Variants in COQ6 observed in about 807,000 individuals in gnomAD.
COQ6 encodes the protein ubiquinone biosynthesis monooxygenase COQ6, mitochondrial.
Under a neutral mutation model 55.5 loss-of-function variants are expected in COQ6, and 45 were observed. The ratio of observed to expected loss-of-function variants is 0.81; its 90% CI spans 0.64 to 1.04. COQ6 has a LOEUF of 1.04. Among genes scored for constraint, COQ6 ranks in the 50% least tolerant of loss-of-function variants. COQ6 has a pLI of 0.00. For synonymous variants in COQ6, 206 were observed against 230.5 expected, an observed-to-expected ratio of 0.89 and a Z score of 0.96; for missense variants, 550 against 601.3, an observed-to-expected ratio of 0.91 and a Z score of 0.89.
chr14:73,955,212 CA>C (rs981868387), intron 2 of COQ6: 15 of 558,424 alleles, frequency 2.7e-5, no homozygotes, highest in African/African-American at 2.7e-4. Context: ...CTCAGTCTCC[CA>C]AAGTGCTGGG....
chr14:73,963,406 G>C lies in COQ6; in HGVS notation c.*407G>C, dbSNP rs572909334. ...AATTAGACTCGATGCATTTTTGTTA[G>C]AATTGCTGTTTAAATGTTAACATCA... is the stretch of plus-strand genomic sequence containing the variant. On this transcript the variant is annotated 3_prime_UTR_variant, in exon 12 of 12. Transcript: ENST00000334571. The C allele has an allele frequency of 7.2e-6, 2 of 277,224 alleles. No individual in the cohort carries two copies. The highest frequency in any genetic ancestry group is 1.3e-5 in the Non-Finnish European group (2 of 149,024). 17.2% of individuals were successfully genotyped at this position (277,224 alleles called of 1,614,324 possible). A position where few individuals can be genotyped will look rare whatever the true frequency, so the allele number is the denominator to read the frequency against.
Position 73,953,589 on chromosome 14 carries a change from T to C in COQ6, c.298+20T>C. ...TCAGTAGTGAGTAGAAGATCCTCCT[T>C]CAAAGATCCAATCTCCTTTCCCACT... On this transcript the variant is annotated intron_variant, in intron 2 of 11. Transcript: ENST00000334571. 1.2e-6 allele frequency: 2 copies of C among 1,614,094 alleles called. No individual in the cohort carries two copies. Among genetic ancestry groups the C allele is most frequent in the Admixed American group, 1.7e-5 (1 of 60,012 alleles).
Position 73,955,512 on chromosome 14 carries a change from G to A in COQ6, c.357+3G>A. On this transcript the variant is annotated splice_donor_region_variant and intron_variant, in intron 3 of 11. Transcript: ENST00000334571. Reference sequence around the variant, plus strand: ...ACAGAGCCTTTCGGCGAATGCAGGTGCCCCTTTATCTTTTCAATTTTGTCA... The same window carrying A: ...ACAGAGCCTTTCGGCGAATGCAGGTACCCCTTTATCTTTTCAATTTTGTCA... 1 of 1,613,602 alleles carries A rather than the reference G, an allele frequency of 6.2e-7. No individual in the cohort carries two copies. Among genetic ancestry groups the A allele is most frequent in the Non-Finnish European group, 8.5e-7 (1 of 1,179,544 alleles).
chr14:73,954,863 T>A (rs191731397), intron 2 of COQ6, among the ~76,000 whole-genome samples: 33,656 of 119,594 alleles, frequency 0.28, 6,663 homozygotes, highest in Non-Finnish European at 0.41. Context: ...AAAAAAAAAA[T>A]ACATGGATTT....
intron 2 of COQ6, among the ~76,000 whole-genome samples, chr14:73,954,021 G>T (rs1229044742): frequency 6.6e-6 from 1 of 152,180 alleles, no homozygotes; most frequent in African/African-American, 2.4e-5. Context: ...TCTGCTAGAT[G>T]TTTCCCTCAG....
chr14:73,951,356 C>A (rs1566680518), intron 1 of COQ6, among the ~76,000 whole-genome samples: 1 of 140,674 alleles, frequency 7.1e-6, no homozygotes, highest in Non-Finnish European at 1.5e-5. Flanking sequence ...ATATTTTCTT[C>A]CATTTTGTAG....
At chr14:73,953,033 T>A (rs2140365380) in intron 1 of COQ6, among the ~76,000 whole-genome samples, 1 of 152,358 alleles carries the variant, frequency 6.6e-6, no homozygotes, top group South Asian at 2.1e-4. Context: ...GAATTTTGCT[T>A]GTTTATTCCA....
intron 1 of COQ6, among the ~76,000 whole-genome samples, chr14:73,952,971 G>A (rs538489330): frequency 1.7e-4 from 26 of 152,176 alleles, no homozygotes; most frequent in African/African-American, 5.1e-4. Context: ...CCACCGCACC[G>A]GCCTTTATAA....
rs751153273 is a variant in COQ6, at chr14:73,953,546, C to T, written c.275C>T (p.Pro92Leu). 37 of 1,614,074 alleles carry T rather than the reference C, an allele frequency of 2.3e-5. No homozygotes were observed. Among genetic ancestry groups the T allele is most frequent in the Non-Finnish European group, 3.4e-6 (4 of 1,180,058 alleles). The stretch of plus-strand genomic sequence containing the variant: ...AGCAACAGGGTCAGCTCCATTTCCC[C>T]TGGCTCTGCAACGCTTCTCAGTAGT... ...TYSNRVSSIS[P>L]GSATLLSSFG... Residue 92 changes from proline (P) to leucine (L), a missense_variant, in exon 2 of 12, where the codon CCT (proline) becomes CTT (leucine). Pro to Leu is a moderately conservative substitution (Grantham distance 98). Coordinates refer to ENST00000334571, the MANE Select transcript of COQ6 (RefSeq NM_182476.3).
In COQ6 at chr14:73,950,413, G is replaced by T; in HGVS notation, c.81G>T (p.Trp27Cys). 6.3e-7 allele frequency: 1 copy of T among 1,598,550 alleles called. No individual in the cohort carries two copies. The change falls in exon 1 of 12, where the codon TGG (tryptophan) becomes TGT (cysteine). Residue 27 changes from tryptophan to cysteine, a missense_variant. Coordinates refer to ENST00000334571, the MANE Select transcript of COQ6 (RefSeq NM_182476.3). ...HSGPLVSWRR[W>C]SGASTDTVYD... ...GCCCGCTGGTGTCCTGGCGCAGGTG[G>T]TCCGGCGCCTCAACAGACACCGTGT... is the stretch of plus-strand genomic sequence containing the variant.
At position 73,955,790 on chromosome 14, in the gene COQ6, C is replaced by T. The variant is rs567355470; in HGVS notation, c.358-15C>T. On this transcript the variant is annotated splice_polypyrimidine_tract_variant and intron_variant, in intron 3 of 11. Transcript: ENST00000334571. ...CCTCTTGGTTTTAATGCAGACTTTC[C>T]TTTTGTGTTTCCAGGTGTGGGACGC... The T allele has an allele frequency of 1.2e-6, 2 of 1,614,098 alleles. No homozygotes were observed. The highest frequency in any genetic ancestry group is 2.7e-5 in the African/African-American group (2 of 75,006).
At chr14:73,955,532 T>A in intron 3 of COQ6, 23 bp downstream of exon 3, 1 of 1,609,370 alleles carries the variant, frequency 6.2e-7, no homozygotes, top group Non-Finnish European at 8.5e-7. Context: ...CTTTTCAATT[T>A]TGTCAAGATG....
At chr14:73,958,898 G>A in intron 5 of COQ6, 73 bp from the exon 6 acceptor site, 1 of 1,590,990 alleles carries the variant, frequency 6.3e-7, no homozygotes, top group African/African-American at 1.3e-5. Context: ...GGAAACTTTA[G>A]GGAGCAGAGA....
chr14:73,953,796 G>A, intron 2 of COQ6: 1 of 607,222 alleles, frequency 1.6e-6, no homozygotes, highest in South Asian at 1.9e-5. Context: ...AGGCATGTGG[G>A]TCCATCATGT....
At chr14:73,961,638 T>C in intron 10 of COQ6, 68 bp downstream of exon 10, 2 of 1,601,046 alleles carry the variant, frequency 1.2e-6, no homozygotes, top group South Asian at 2.2e-5. Flanking sequence ...GGGCCCACAG[T>C]AGCAAGAGGG....
At chr14:73,959,101 G>A (rs750479685) in intron 6 of COQ6, 23 bp downstream of exon 6, 101 of 1,613,978 alleles carry the variant, frequency 6.3e-5, no homozygotes, top group Non-Finnish European at 8.5e-6. Context: ...GCTGCCATCT[G>A]GGGACTTTAT....
intron 5 of COQ6, 137 bp from the exon 6 acceptor site, chr14:73,958,834 G>A (rs780742803): frequency 7.8e-6 from 12 of 1,539,014 alleles, no homozygotes; most frequent in East Asian, 2.5e-5. Flanking sequence ...TCTAGGGGCT[G>A]TGAGTGAAGC....
intron 1 of COQ6, chr14:73,950,709 G>A: frequency 1.5e-6 from 1 of 667,092 alleles, no homozygotes; most frequent in South Asian, 2.1e-5. Context: ...TTCAGAGTCT[G>A]TTCTACTCAT....
intron 4 of COQ6, among the ~76,000 whole-genome samples, chr14:73,957,782 A>G (rs1180596584): frequency 6.6e-6 from 1 of 152,202 alleles, no homozygotes; most frequent in African/African-American, 2.4e-5. Context: ...TCCAGCTGGA[A>G]GAAAATCTTT....
Sources: allele counts gnomAD v4.1 joint callset (sites outside exome capture counted in the v4.1 genomes callset), GRCh38; gene constraint gnomAD v4.1.1; transcripts MANE v1.5; gene names NCBI Gene and HGNC (gene_info 2026-07-23, HGNC 2026-07-21).